MOB3B: variants seen among roughly 807,000 people sequenced by gnomAD.
MOB3B encodes MOB kinase activator-like 2B.
Under a neutral mutation model 18.7 loss-of-function variants are expected in MOB3B, and 7 were observed. The ratio of observed to expected loss-of-function variants is 0.37; its 90% CI spans 0.21 to 0.70. The LOEUF (loss-of-function observed/expected upper bound fraction) is 0.70, where lower values mean the gene tolerates loss of function less well. MOB3B is among the 30% of genes least tolerant of loss of function. The probability of loss-of-function intolerance (pLI) is 0.52; values close to 1 mark genes in which losing one functional copy is unlikely to be tolerated. For missense variants in MOB3B, 253 were observed against 281.3 expected (o/e 0.90, Z 0.72); for synonymous variants, 111 against 99.9 (o/e 1.11, Z -0.66).
At chr9:27,499,235 A>G (rs1819949864) in intron 1 of MOB3B, among the ~76,000 whole-genome samples, 1 of 152,186 alleles carries the variant, frequency 6.6e-6, no homozygotes, top group African/African-American at 2.4e-5. Flanking sequence ...TCTTTTATGT[A>G]TGAAGAGACT....
intron 1 of MOB3B, among the ~76,000 whole-genome samples, chr9:27,472,787 A>T (rs1015926946): frequency 3.3e-5 from 5 of 151,578 alleles, no homozygotes; most frequent in Non-Finnish European, 7.4e-5. Context: ...GTGGTGGAGG[A>T]TTCCATAAAA....
chr9:27,394,137 T>C (rs1294434514), intron 2 of MOB3B: 11 of 152,184 alleles, frequency 7.2e-5, no homozygotes, highest in Non-Finnish European at 1.5e-5. Flanking sequence ...CATCATAAGT[T>C]GGTCACTGTA....
intron 3 of MOB3B, among the ~76,000 whole-genome samples, chr9:27,353,869 G>A (rs912671410): frequency 6.6e-6 from 1 of 152,200 alleles, no homozygotes; most frequent in South Asian, 2.1e-4. Flanking sequence ...TGGCAGCCAA[G>A]GGCCAACAGC....
intron 1 of MOB3B, among the ~76,000 whole-genome samples, chr9:27,498,266 T>TA (rs1378514957): frequency 6.6e-6 from 1 of 152,202 alleles, no homozygotes; most frequent in Admixed American, 6.5e-5. Context: ...AAAAATACGT[T>TA]ACTACTTTTC....
Position 27,330,367 on chromosome 9 carries a change from C to T in MOB3B, c.*220G>A, listed in dbSNP as rs749224472. The T allele has an allele frequency of 1.5e-5, 8 of 523,080 alleles. No individual in the cohort carries two copies. Among genetic ancestry groups the T allele is most frequent in the Admixed American group, 3.6e-5 (1 of 28,072 alleles). 32.4% of individuals were successfully genotyped at this position (523,080 alleles called of 1,614,324 possible). ...GGTCAAGGGGCTGGTCCTTCTTTCA[C>T]GTTGTGGTCTGCCTCGTCCACAGGT... On this transcript the variant is annotated 3_prime_UTR_variant, in exon 4 of 4. Transcript: ENST00000262244.
At chr9:27,389,730 G>A (rs1587175343) in intron 2 of MOB3B, among the ~76,000 whole-genome samples, 1 of 152,108 alleles carries the variant, frequency 6.6e-6, no homozygotes, top group East Asian at 1.9e-4. Flanking sequence ...CACAGTGCTT[G>A]GTACATAGTA....
intron 2 of MOB3B, among the ~76,000 whole-genome samples, chr9:27,413,170 A>G (rs146256807): frequency 1.3e-5 from 2 of 152,212 alleles, no homozygotes; most frequent in African/African-American, 4.8e-5. Flanking sequence ...GAATTCTGCC[A>G]TATCTCCATG....
chr9:27,418,796 C>T (rs1223479629), intron 2 of MOB3B, among the ~76,000 whole-genome samples: 1 of 151,942 alleles, frequency 6.6e-6, no homozygotes, highest in Non-Finnish European at 1.5e-5. Flanking sequence ...CCCACTCTCA[C>T]CACTCCTCTT....
intron 1 of MOB3B, among the ~76,000 whole-genome samples, chr9:27,513,313 C>T (rs1253373576): frequency 6.6e-6 from 1 of 152,160 alleles, no homozygotes; most frequent in Non-Finnish European, 1.5e-5. Context: ...TCTCCCCAGG[C>T]CTACTGAAAT....
chr9:27,345,134 C>A (rs550461976), intron 3 of MOB3B, among the ~76,000 whole-genome samples: 1 of 152,296 alleles, frequency 6.6e-6, no homozygotes, highest in African/African-American at 2.4e-5. Flanking sequence ...GTCGTCTTCA[C>A]TGAAATGGTG....
intron 1 of MOB3B, among the ~76,000 whole-genome samples, chr9:27,465,195 G>A (rs1244226417): frequency 3.3e-5 from 5 of 152,182 alleles, no homozygotes; most frequent in African/African-American, 1.2e-4. Flanking sequence ...GACACAATGT[G>A]CGTACAGGTA....
rs899166486 is a variant in MOB3B at position 27,481,739 on chromosome 9, A to G, written c.-198-25991T>C. 2.4e-4 allele frequency among the ~76,000 whole-genome samples: 36 copies of G among 151,900 alleles called. 1 individual carries two copies. Among genetic ancestry groups the G allele is most frequent in the African/African-American group, 8.7e-4 (36 of 41,440 alleles). ...ATGGGGTTTCACTGTGTTAGCCAGG[A>G]TGGTCTCGATCTCCTGACCTCATGA... On this transcript the variant is annotated intron_variant, in intron 1 of 3. Coordinates refer to ENST00000262244, the MANE Select transcript of MOB3B (RefSeq NM_024761.5).
intron 1 of MOB3B, among the ~76,000 whole-genome samples, chr9:27,481,495 T>C: frequency 8.9e-6 from 1 of 112,966 alleles, no homozygotes. Context: ...CTAAGGAAGG[T>C]AGTTTTTTTT....
intron 2 of MOB3B, among the ~76,000 whole-genome samples, chr9:27,417,472 T>A (rs1429080010): frequency 6.6e-6 from 1 of 152,200 alleles, no homozygotes; most frequent in African/African-American, 2.4e-5. Context: ...GTGCTTTAAA[T>A]GGAACAATAA....
At chr9:27,374,697 T>C (rs1821467149) in intron 2 of MOB3B, among the ~76,000 whole-genome samples, 1 of 152,168 alleles carries the variant, frequency 6.6e-6, no homozygotes, top group Non-Finnish European at 1.5e-5. Flanking sequence ...ATTTTTAAAA[T>C]GCTACCAATA....
At chr9:27,361,761 A>G (rs28538814) in intron 2 of MOB3B, among the ~76,000 whole-genome samples, 5,874 of 152,322 alleles carry the variant, frequency 0.039, 399 homozygotes, top group African/African-American at 0.13. Flanking sequence ...GGAGAGATTT[A>G]GCCAGTTAGT....
rs1819203932 is a variant in MOB3B at position 27,457,794 on chromosome 9, C to G, written c.-198-2046G>C. Among the ~76,000 whole-genome samples the G allele has an allele frequency of 3.3e-5, 5 of 152,176 alleles. No individual in the cohort carries two copies. The South Asian group carries it at 1.0e-3, about 32-fold the overall frequency. On this transcript the variant is annotated intron_variant, in intron 1 of 3. Transcript: ENST00000262244. ...CATGAAACTTTCTGCCTGAGACAGT[C>G]TGTGAAATCACACTTCTGGGTACCC...
intron 3 of MOB3B, among the ~76,000 whole-genome samples, chr9:27,350,329 T>C (rs1237213902): frequency 1.3e-5 from 2 of 151,592 alleles, no homozygotes; most frequent in African/African-American, 2.4e-5. Context: ...TCTGTGGACA[T>C]ATGATTAGTG....
Position 27,434,179 on chromosome 9 carries a change from C to A in MOB3B, c.418+20954G>T, listed in dbSNP as rs141433339. ...TAGAATACCCCTCGGAGGACAAATG[C>A]TGCCTTACAAGTGTTTTTGCTCATC... On this transcript the variant is annotated intron_variant, in intron 2 of 3. Transcript: ENST00000262244. Among the ~76,000 whole-genome samples the A allele has an allele frequency of 3.9e-3, 594 of 152,266 alleles. 4 individuals are homozygous for A. Among genetic ancestry groups the A allele is most frequent in the African/African-American group, 0.014 (572 of 41,558 alleles).
Sources: gnomAD v4.1 joint callset for allele counts (sites outside exome capture counted in the v4.1 genomes callset) on GRCh38, gnomAD v4.1.1 for gene constraint, MANE v1.5 for transcripts, NCBI Gene and HGNC (gene_info 2026-07-23, HGNC 2026-07-21) for gene names.